UBE2D2: variants seen among roughly 807,000 people sequenced by gnomAD.
The protein encoded by UBE2D2 is ubiquitin-conjugating enzyme E2 D2.
Under a neutral mutation model 24.2 loss-of-function variants are expected in UBE2D2, and 2 were observed. The observed-to-expected ratio is 0.08, with a 90% confidence interval of 0.03 to 0.26. The LOEUF is 0.26. UBE2D2 is among the 10% of genes least tolerant of loss of function. UBE2D2 has a pLI of 1.00. For missense variants in UBE2D2, 44 were observed against 177.6 expected (o/e 0.25, Z 4.28); for synonymous variants, 58 against 56.5 (o/e 1.03, Z -0.12).
At position 139,537,779 on chromosome 5, in the gene UBE2D2, A is replaced by G. The variant is rs146315683; in HGVS notation, c.-64+11167A>G. On this transcript the variant is annotated intron_variant, in intron 1 of 6. Coordinates refer to the UBE2D2 transcript ENST00000511725. The stretch of plus-strand genomic sequence containing the variant: ...GGAGATTGAGACCATCCTGGCTAAC[A>G]CGGTGAGACCCCTTCTCTACTAAAA... Among the ~76,000 whole-genome samples, 1,500 of 151,922 alleles carry G rather than the reference A, an allele frequency of 9.9e-3. 15 individuals carry two copies. Among genetic ancestry groups the G allele is most frequent in the Non-Finnish European group, 0.016 (1,070 of 67,890 alleles).
chr5:139,532,295 C>T (rs2126626962), intron 1 of UBE2D2, among the ~76,000 whole-genome samples: 1 of 151,068 alleles, frequency 6.6e-6, no homozygotes, highest in African/African-American at 2.4e-5. Context: ...TCTACTGCCT[C>T]AGCCTCCCCA....
chr5:139,625,438 C>CT (rs1754602442), intron 6 of UBE2D2, among the ~76,000 whole-genome samples: 1 of 31,684 alleles, frequency 3.2e-5, no homozygotes, highest in Admixed American at 4.2e-4. Flanking sequence ...CCACCCCCCC[C>CT]CCTTTTTTTT....
At chr5:139,584,533 CTT>C (rs10642044) in intron 1 of UBE2D2, among the ~76,000 whole-genome samples, 20 of 132,988 alleles carry the variant, frequency 1.5e-4, no homozygotes, top group Admixed American at 3.1e-4. Flanking sequence ...CTTTTCTTTT[CTT>C]TTTTTTTTTT....
At position 139,616,682 on chromosome 5, in the gene UBE2D2, T is replaced by C. The variant is rs926531980; in HGVS notation, c.304+1716T>C. On this transcript the variant is annotated intron_variant, in intron 5 of 6. Transcript: ENST00000398733. ...AGGTATAGATTTGTAGAGCCCAGTCTGCCAGTATGTGTTAAGAGACTTAAT... is the reference window on the plus strand; with the variant it reads ...AGGTATAGATTTGTAGAGCCCAGTCCGCCAGTATGTGTTAAGAGACTTAAT... Among the ~76,000 whole-genome samples the C allele has an allele frequency of 4.6e-5, 7 of 152,250 alleles. No homozygotes were observed. The East Asian group carries it at 1.3e-3, about 29-fold the overall frequency.
chr5:139,535,304 A>G (rs1451699521), intron 1 of UBE2D2, among the ~76,000 whole-genome samples: 1 of 151,284 alleles, frequency 6.6e-6, no homozygotes, highest in Non-Finnish European at 1.5e-5. Flanking sequence ...AAAAAAAAAA[A>G]AAAGAGACTT....
intron 1 of UBE2D2, chr5:139,562,397 A>G (rs745408328): frequency 1.7e-6 from 2 of 1,207,444 alleles, no homozygotes; most frequent in Admixed American, 2.5e-5. Flanking sequence ...AGTTCAGAAG[A>G]AAAAAAAAAG....
Position 139,627,018 on chromosome 5 carries a change from AGT to A in UBE2D2, c.*227_*228del. On this transcript the variant is annotated 3_prime_UTR_variant, in exon 7 of 7. Transcript: ENST00000398733. ...TACCAACATTGCCTCCTAGCAGAGAAGTGTGTGTGTGACAAGCCAGTTCTACA... is the reference window on the plus strand; with the variant it reads ...TACCAACATTGCCTCCTAGCAGAGAAGTGTGTGTGACAAGCCAGTTCTACA... 1.8e-5 allele frequency: 9 copies of A among 501,982 alleles called. No homozygotes were observed. Among genetic ancestry groups the A allele is most frequent in the East Asian group, 7.0e-5 (2 of 28,382 alleles). The allele number at this position is 501,982 out of a possible 1,614,324, so 31.1% of individuals were successfully genotyped here. A position where few individuals can be genotyped will look rare whatever the true frequency, so the allele number is the denominator to read the frequency against.
intron 1 of UBE2D2, among the ~76,000 whole-genome samples, chr5:139,530,136 C>A (rs561466197): frequency 1.1e-4 from 17 of 152,318 alleles, no homozygotes; most frequent in African/African-American, 4.1e-4. Context: ...AAAACAGTTA[C>A]ATGGTAGAGT....
chr5:139,575,275 GCTT>G (rs1753443496), intron 1 of UBE2D2, among the ~76,000 whole-genome samples: 1 of 152,170 alleles, frequency 6.6e-6, no homozygotes, highest in African/African-American at 2.4e-5. Context: ...GAGGAAAGGG[GCTT>G]CTTAGATTTG....
At chr5:139,560,107 C>G (rs926405271), upstream of UBE2D2, among the ~76,000 whole-genome samples, 35 of 150,426 alleles carry the variant, frequency 2.3e-4, no homozygotes, top group African/African-American at 8.6e-4. Context: ...GCTCTCGGCT[C>G]ACTGCAACCT....
intron 1 of UBE2D2, among the ~76,000 whole-genome samples, chr5:139,538,716 C>T (rs1018618895): frequency 2.0e-5 from 3 of 151,940 alleles, no homozygotes; most frequent in African/African-American, 7.3e-5. Flanking sequence ...ACTAAAAATA[C>T]AAAGGAATTA....
intron 1 of UBE2D2, among the ~76,000 whole-genome samples, chr5:139,571,135 G>A (rs1422083545): frequency 2.6e-5 from 4 of 152,054 alleles, no homozygotes; most frequent in Admixed American, 1.3e-4. Flanking sequence ...TCGGCTGGGC[G>A]CGGTGGCTCA....
At position 139,554,709 on chromosome 5, in the gene UBE2D2, T is replaced by C. The variant is rs77642337; in HGVS notation, c.-64+28097T>C. Among the ~76,000 whole-genome samples, 1,066 of 152,334 alleles carry C rather than the reference T, an allele frequency of 7.0e-3. 6 individuals carry two copies. Among genetic ancestry groups the C allele is most frequent in the Middle Eastern group, 0.037 (11 of 294 alleles). Reference sequence around the variant, plus strand: ...ACCAAAGAGTAGAACGGCTGCGTCATATGGTAGATGCATGTTTAACTTAAT... The same window carrying C: ...ACCAAAGAGTAGAACGGCTGCGTCACATGGTAGATGCATGTTTAACTTAAT... On this transcript the variant is annotated intron_variant, in intron 1 of 6. Coordinates refer to the UBE2D2 transcript ENST00000511725.
intron 1 of UBE2D2, among the ~76,000 whole-genome samples, chr5:139,599,935 C>G (rs1754038500): frequency 6.6e-6 from 1 of 151,894 alleles, no homozygotes; most frequent in South Asian, 2.1e-4. Context: ...TCCTGAGTAG[C>G]TGGTATGACA....
chr5:139,583,876 CAG>C (rs1346959092), intron 1 of UBE2D2, among the ~76,000 whole-genome samples: 2 of 152,300 alleles, frequency 1.3e-5, no homozygotes, highest in African/African-American at 4.8e-5. Context: ...TGGTCAATGA[CAG>C]ATGATATTAT....
intron 1 of UBE2D2, among the ~76,000 whole-genome samples, chr5:139,555,762 A>G (rs1328335483): frequency 6.6e-6 from 1 of 151,506 alleles, no homozygotes; most frequent in Non-Finnish European, 1.5e-5. Context: ...CCCTGTGTCT[A>G]CTAAAATACA....
At position 139,612,982 on chromosome 5, in the gene UBE2D2, C is replaced by T. The variant is rs887701108; in HGVS notation, c.89-1604C>T. 4.6e-5 allele frequency among the ~76,000 whole-genome samples: 7 copies of T among 152,244 alleles called. 1 individual carries two copies. The South Asian group carries it at 8.3e-4, about 18-fold the overall frequency. On this transcript the variant is annotated intron_variant, in intron 2 of 6. Transcript: ENST00000398733. ...TTTTATAGGACTTCCCTTGAAGATA[C>T]TAGGTCCAGTTTTAGTGGCCCAGAA...
At chr5:139,543,686 G>T (rs866084460) in intron 1 of UBE2D2, among the ~76,000 whole-genome samples, 2 of 152,230 alleles carry the variant, frequency 1.3e-5, no homozygotes, top group African/African-American at 4.8e-5. Flanking sequence ...GGTTCACGCC[G>T]GTCTTCGCCA....
intron 1 of UBE2D2, among the ~76,000 whole-genome samples, chr5:139,529,343 C>T (rs1284445736): frequency 1.3e-5 from 2 of 151,842 alleles, no homozygotes; most frequent in Admixed American, 1.3e-4. Context: ...AAAAGGGGTC[C>T]CCAAAAATGT....
Sources: allele counts gnomAD v4.1 joint callset (sites outside exome capture counted in the v4.1 genomes callset), GRCh38; gene constraint gnomAD v4.1.1; transcripts MANE v1.5; gene names NCBI Gene and HGNC (gene_info 2026-07-23, HGNC 2026-07-21).